Variants in SMAD4 observed in about 807,000 individuals in gnomAD.
The protein encoded by SMAD4 is MAD homolog 4.
A neutral mutation model predicts 63.2 loss-of-function variants in SMAD4; 7 were observed. That is an observed-to-expected ratio of 0.11 (90% CI 0.06 to 0.21). SMAD4 has a LOEUF of 0.21. Ranked by LOEUF, SMAD4 falls within the 10% of genes least tolerant of loss-of-function variation. The probability of loss-of-function intolerance (pLI) is 1.00; values close to 1 mark genes in which losing one functional copy is unlikely to be tolerated. For synonymous variants in SMAD4, 215 were observed against 235.4 expected, an observed-to-expected ratio of 0.91 and a Z score of 0.79; for missense variants, 312 against 693.8, an observed-to-expected ratio of 0.45 and a Z score of 6.18.
intron 9 of SMAD4, chr18:51,066,746 T>C (rs976501462): frequency 1.8e-5 from 6 of 334,200 alleles, no homozygotes; most frequent in Admixed American, 4.3e-5. Context: ...TCTAAAAAAA[T>C]TAGAATAATA....
intron 1 of SMAD4, among the ~76,000 whole-genome samples, chr18:51,036,870 A>G (rs912622631): frequency 6.6e-6 from 1 of 152,206 alleles, no homozygotes; most frequent in Non-Finnish European, 1.5e-5. Context: ...AAGTTTTATG[A>G]AATGAGGCCG....
intron 10 of SMAD4, among the ~76,000 whole-genome samples, chr18:51,067,775 T>C (rs1910204630): frequency 6.6e-6 from 1 of 152,234 alleles, no homozygotes; most frequent in African/African-American, 2.4e-5. Flanking sequence ...TCCAAAGTTG[T>C]ATTCCTGTAA....
chr18:51,044,668 C>G (rs1356322569), intron 1 of SMAD4, among the ~76,000 whole-genome samples: 3 of 152,204 alleles, frequency 2.0e-5, no homozygotes, highest in African/African-American at 7.2e-5. Context: ...GCTGGGATTA[C>G]AGGTGTGAGC....
chr18:51,039,347 G>A (rs1397190156), intron 1 of SMAD4, among the ~76,000 whole-genome samples: 1 of 152,192 alleles, frequency 6.6e-6, no homozygotes, highest in Admixed American at 6.6e-5. Flanking sequence ...TCTGGAGATA[G>A]AGCTGACCTC....
intron 2 of SMAD4, among the ~76,000 whole-genome samples, chr18:51,047,792 A>G (rs1024951424): frequency 6.6e-6 from 1 of 152,066 alleles, no homozygotes; most frequent in African/African-American, 2.4e-5. Flanking sequence ...TATTTTTAGT[A>G]GAGATGGGGT....
At chr18:51,066,989 A>G in intron 9 of SMAD4, 30 bp from the exon 10 acceptor site, 1 of 1,546,274 alleles carries the variant, frequency 6.5e-7, no homozygotes, top group Non-Finnish European at 8.9e-7. Context: ...ACTTATCAAG[A>G]TAAAATGTAA....
intron 4 of SMAD4, chr18:51,049,624 A>G (rs1037485678): frequency 1.5e-5 from 5 of 326,312 alleles, no homozygotes; most frequent in African/African-American, 2.1e-5. Flanking sequence ...GTTAAGACCT[A>G]TTTTTGAAGA....
intron 2 of SMAD4, among the ~76,000 whole-genome samples, chr18:51,047,551 C>T (rs571701333): frequency 6.6e-6 from 1 of 151,686 alleles, no homozygotes; most frequent in East Asian, 1.9e-4. Flanking sequence ...GCAGAAAACC[C>T]ACACTTCGCA....
intron 4 of SMAD4, chr18:51,053,248 AG>A (rs1281280068): frequency 6.6e-6 from 1 of 151,688 alleles, no homozygotes; most frequent in Non-Finnish European, 1.5e-5. Flanking sequence ...AAAAGATCCC[AG>A]TCATTATAAC....
intron 8 of SMAD4, among the ~76,000 whole-genome samples, chr18:51,062,997 G>A (rs1910059907): frequency 6.6e-6 from 1 of 151,282 alleles, no homozygotes; most frequent in Non-Finnish European, 1.5e-5. Context: ...GGGACTATAG[G>A]CGCCCGCCAC....
At chr18:51,069,247 G>C (rs1182736050) in intron 10 of SMAD4, among the ~76,000 whole-genome samples, 1 of 152,136 alleles carries the variant, frequency 6.6e-6, no homozygotes. Context: ...CTCTCCGGTA[G>C]CTGGGATTAC....
rs2144429608 is a variant in SMAD4, at chr18:51,058,471, T to C, written c.904+15T>C. The C allele has an allele frequency of 6.3e-7, 1 of 1,575,434 alleles. No homozygotes were observed. Among genetic ancestry groups the C allele is most frequent in the Non-Finnish European group, 8.7e-7 (1 of 1,148,150 alleles). Reference sequence around the variant, plus strand: ...CGGACATTACTGTAAGCTCTTGTTTTTGTTGTAAGGGCTATTTTTTTTTTT... The same window carrying C: ...CGGACATTACTGTAAGCTCTTGTTTCTGTTGTAAGGGCTATTTTTTTTTTT... On this transcript the variant is annotated intron_variant, in intron 7 of 11. Coordinates refer to ENST00000342988, the MANE Select transcript of SMAD4 (RefSeq NM_005359.6).
In SMAD4 at chr18:51,083,929, C is replaced by T. The variant is rs1910673507; in HGVS notation, c.*5462C>T. On this transcript the variant is annotated 3_prime_UTR_variant, in exon 12 of 12. Coordinates refer to ENST00000342988, the MANE Select transcript of SMAD4 (RefSeq NM_005359.6). Reference sequence around the variant, plus strand: ...ATGGACAAAAGGTTACATAGTATGCCCTTAAGACTTAATTTTAACCAAAGG... The same window carrying T: ...ATGGACAAAAGGTTACATAGTATGCTCTTAAGACTTAATTTTAACCAAAGG... 5 of 230,266 alleles carry T rather than the reference C, an allele frequency of 2.2e-5. 1 individual carries two copies. The East Asian group carries it at 3.1e-4, about 14-fold the overall frequency. 14.3% of individuals were successfully genotyped at this position (230,266 alleles called of 1,614,324 possible).
chr18:51,048,856 A>G lies in SMAD4; in HGVS notation c.420A>G (p.Gly140=). The G allele has an allele frequency of 6.2e-7, 1 of 1,612,882 alleles. No homozygotes were observed. The highest frequency in any genetic ancestry group is 8.5e-7 in the Non-Finnish European group (1 of 1,179,124). ...PYHYERVVSP[G]IDLSGLTLQS... ...ACTACGAACGAGTTGTATCACCTGGAATTGGTAAGTAGACTTTGCTTTCAT... is the reference window on the plus strand; with the variant it reads ...ACTACGAACGAGTTGTATCACCTGGGATTGGTAAGTAGACTTTGCTTTCAT... Residue 140 remains glycine, a synonymous_variant, in exon 3 of 12, where the codon GGA becomes GGG. Transcript: ENST00000342988.
At chr18:51,031,640 C>G (rs755473989) in intron 1 of SMAD4, among the ~76,000 whole-genome samples, 31 of 151,718 alleles carry the variant, frequency 2.0e-4, no homozygotes, top group Admixed American at 1.8e-3. Flanking sequence ...TGACTTTTGC[C>G]AGAATTAGCA....
chr18:51,048,503 C>T (rs1244845490), intron 2 of SMAD4, among the ~76,000 whole-genome samples, 183 bp from the exon 3 acceptor site: 1 of 152,130 alleles, frequency 6.6e-6, no homozygotes, highest in African/African-American at 2.4e-5. Flanking sequence ...GAAATTATAC[C>T]AAGGTTTAAA....
rs68159021 is a variant in SMAD4, at chr18:51,084,002, ACGCGCGCG to A, written c.*5539_*5546del. 1.1e-5 allele frequency: 1 copy of A among 94,380 alleles called. No homozygotes were observed. 5.8% of individuals were successfully genotyped at this position (94,380 alleles called of 1,614,324 possible). ...CAATAAACACTTAACGCGCGTGCGCACGCGCGCGCGCACACACACACACACACACACAC... is the reference window on the plus strand; with the variant it reads ...CAATAAACACTTAACGCGCGTGCGCACGCACACACACACACACACACACAC... On this transcript the variant is annotated 3_prime_UTR_variant, in exon 12 of 12. Coordinates refer to ENST00000342988, the MANE Select transcript of SMAD4 (RefSeq NM_005359.6).
chr18:51,056,295 A>G (rs926616135), intron 5 of SMAD4, among the ~76,000 whole-genome samples: 9 of 152,292 alleles, frequency 5.9e-5, no homozygotes, highest in South Asian at 2.1e-4. Flanking sequence ...GCCTTTGTCA[A>G]TGCTTACTAA....
chr18:51,038,728 A>G (rs1029369706), intron 1 of SMAD4, among the ~76,000 whole-genome samples: 1 of 152,224 alleles, frequency 6.6e-6, no homozygotes, highest in African/African-American at 2.4e-5. Context: ...TGTTTTAGAA[A>G]ATTCTGTTTT....
Sources: allele counts gnomAD v4.1 joint callset (sites outside exome capture counted in the v4.1 genomes callset), GRCh38; gene constraint gnomAD v4.1.1; transcripts MANE v1.5; gene names NCBI Gene and HGNC (gene_info 2026-07-23, HGNC 2026-07-21).